COL26A1: variants seen among roughly 807,000 people sequenced by gnomAD.
COL26A1 encodes collagen alpha-1(XXVI) chain.
Under a neutral mutation model 59.3 loss-of-function variants are expected in COL26A1, and 41 were observed. The ratio of observed to expected loss-of-function variants is 0.69; its 90% confidence interval spans 0.54 to 0.90. The LOEUF is 0.90. Among genes scored for constraint, COL26A1 ranks in the 40% least tolerant of loss-of-function variants. The pLI, the probability that COL26A1 is intolerant of heterozygous loss-of-function variation, is 0.00. For missense variants in COL26A1, 612 were observed against 602.3 expected (o/e 1.02, Z -0.17); for synonymous variants, 266 against 256.0 (o/e 1.04, Z -0.37).
intron 8 of COL26A1, 133 bp downstream of exon 8, chr7:101,547,372 G>A: frequency 1.8e-6 from 1 of 557,916 alleles, no homozygotes; most frequent in Non-Finnish European, 3.2e-6. Context: ...GACTGGGTCT[G>A]TCCCACCCGC....
intron 9 of COL26A1, among the ~76,000 whole-genome samples, chr7:101,550,572 T>G (rs1795838770): frequency 6.6e-6 from 1 of 152,178 alleles, no homozygotes; most frequent in Non-Finnish European, 1.5e-5. Flanking sequence ...GTAGTTTCAC[T>G]CCCTGGTGTC....
intron 8 of COL26A1, 41 bp downstream of exon 8, chr7:101,547,280 C>CT: frequency 7.0e-7 from 1 of 1,434,372 alleles, no homozygotes; most frequent in Non-Finnish European, 9.6e-7. Flanking sequence ...GGACTCCATC[C>CT]CCCCAGGGCT....
At chr7:101,533,365 C>A (rs994029773) in intron 4 of COL26A1, among the ~76,000 whole-genome samples, 1 of 151,944 alleles carries the variant, frequency 6.6e-6, no homozygotes, top group African/African-American at 2.4e-5. Flanking sequence ...TGGTTTTGGG[C>A]AGGTCAGAAT....
intron 1 of COL26A1, among the ~76,000 whole-genome samples, chr7:101,414,405 T>C (rs1792322367): frequency 6.9e-6 from 1 of 144,720 alleles, no homozygotes; most frequent in African/African-American, 2.6e-5. Context: ...TCTCTCTCTC[T>C]CGCTCGCTCT....
rs541599962 is a variant in COL26A1 at position 101,484,818 on chromosome 7, A to C, written c.385+37031A>C. 2.4e-4 allele frequency among the ~76,000 whole-genome samples: 36 copies of C among 150,540 alleles called. 2 individuals are homozygous for C. In the South Asian group the frequency reaches 7.5e-3, roughly 31 times the overall value. On this transcript the variant is annotated intron_variant, in intron 3 of 12. Coordinates refer to ENST00000313669, the MANE Select transcript of COL26A1 (RefSeq NM_001278563.3). ...GCTAGGATTACAGGTATGTGCCACC[A>C]TGCCTGGCTAATTTTTGTATTTTTA...
intron 1 of COL26A1, among the ~76,000 whole-genome samples, chr7:101,371,092 C>G (rs1326080614): frequency 6.6e-6 from 1 of 152,208 alleles, no homozygotes; most frequent in Admixed American, 6.5e-5. Context: ...CACCACCCAC[C>G]ACTGCCTCTT....
chr7:101,445,472 C>G (rs1185717752), intron 2 of COL26A1, among the ~76,000 whole-genome samples: 1 of 151,752 alleles, frequency 6.6e-6, no homozygotes, highest in African/African-American at 2.4e-5. Context: ...TGGCTCACGC[C>G]TGTAATCCCA....
At chr7:101,424,544 G>C (rs1792599405) in intron 2 of COL26A1, among the ~76,000 whole-genome samples, 1 of 152,172 alleles carries the variant, frequency 6.6e-6, no homozygotes, top group Admixed American at 6.5e-5. Context: ...GCTGCACTGA[G>C]CCAAGATCAT....
chr7:101,430,295 C>G (rs890137356), intron 2 of COL26A1, among the ~76,000 whole-genome samples: 7 of 151,784 alleles, frequency 4.6e-5, no homozygotes. Flanking sequence ...CTCTTTCTTT[C>G]TTTCTTTCGA....
Position 101,544,030 on chromosome 7 carries a change from G to T in COL26A1, c.637G>T (p.Ala213Ser), listed in dbSNP as rs764856083. The T allele has an allele frequency of 6.3e-6, 10 of 1,596,350 alleles. No homozygotes were observed. Among genetic ancestry groups the T allele is most frequent in the Non-Finnish European group, 8.5e-6 (10 of 1,172,318 alleles). ...GGGGCAGACAGGACCACCAGGGCCTGCAGGCCCCCCCGGGTCTAAAGGTGA... is the reference window on the plus strand; with the variant it reads ...GGGGCAGACAGGACCACCAGGGCCTTCAGGCCCCCCCGGGTCTAAAGGTGA... ...PPGQTGPPGP[A>S]GPPGSKGDRG... The change falls in exon 6 of 13, where the codon GCA becomes TCA. Residue 213 changes from alanine to serine, a missense_variant. By Grantham distance (99) the Ala-to-Ser change is moderately conservative (BLOSUM62 1). Transcript: ENST00000313669.
intron 1 of COL26A1, among the ~76,000 whole-genome samples, chr7:101,400,468 T>A (rs534985986): frequency 1.7e-4 from 25 of 151,484 alleles, no homozygotes; most frequent in African/African-American, 5.8e-4. Flanking sequence ...TTCAAGTGAT[T>A]GTCCTGCCTC....
At chr7:101,455,605 C>T (rs6968890) in intron 3 of COL26A1, among the ~76,000 whole-genome samples, 7 of 150,530 alleles carry the variant, frequency 4.7e-5, no homozygotes, top group African/African-American at 7.3e-5. Flanking sequence ...CAGGCTCAAG[C>T]GATTCTCTTG....
chr7:101,421,093 G>A (rs1009588377), intron 2 of COL26A1, among the ~76,000 whole-genome samples: 2 of 152,246 alleles, frequency 1.3e-5, no homozygotes, highest in Middle Eastern at 3.4e-3. Context: ...GTTCTCCAGA[G>A]AACCAATAGG....
At chr7:101,433,850 C>T (rs1473415528) in intron 2 of COL26A1, among the ~76,000 whole-genome samples, 1 of 152,072 alleles carries the variant, frequency 6.6e-6, no homozygotes, top group East Asian at 1.9e-4. Context: ...CCCAGGAGTG[C>T]CTTGAAGGCA....
chr7:101,554,157 G>A (rs1795918550), intron 11 of COL26A1, among the ~76,000 whole-genome samples: 2 of 152,220 alleles, frequency 1.3e-5, no homozygotes, highest in Non-Finnish European at 1.5e-5. Context: ...AGGTTGTTGC[G>A]TGGGGGTGCC....
chr7:101,399,647 CAG>C (rs927000419), intron 1 of COL26A1, among the ~76,000 whole-genome samples: 8 of 151,466 alleles, frequency 5.3e-5, no homozygotes, highest in African/African-American at 1.7e-4. Context: ...TTAATAGAGA[CAG>C]AGTTTCACCA....
chr7:101,464,199 C>T (rs1482281972), intron 3 of COL26A1, among the ~76,000 whole-genome samples: 3 of 151,832 alleles, frequency 2.0e-5, no homozygotes, highest in Non-Finnish European at 4.4e-5. Flanking sequence ...CTCCTGGCCT[C>T]AAGTGATCCT....
At chr7:101,481,514 G>A (rs1040348575) in intron 3 of COL26A1, among the ~76,000 whole-genome samples, 7 of 150,458 alleles carry the variant, frequency 4.7e-5, no homozygotes, top group South Asian at 2.1e-4. Flanking sequence ...TGCATGGCAC[G>A]GTCATAGCTC....
chr7:101,512,491 G>A (rs917236041), intron 3 of COL26A1, among the ~76,000 whole-genome samples: 1 of 152,256 alleles, frequency 6.6e-6, no homozygotes, highest in South Asian at 2.1e-4. Context: ...TGCGGCATGT[G>A]CCTGCCTGTA....
Sources: gnomAD v4.1 joint callset for allele counts (sites outside exome capture counted in the v4.1 genomes callset) on GRCh38, gnomAD v4.1.1 for gene constraint, MANE v1.5 for transcripts, NCBI Gene and HGNC (gene_info 2026-07-23, HGNC 2026-07-21) for gene names.